PALLD: variants seen among roughly 807,000 people sequenced by gnomAD.
PALLD encodes palladin.
Under a neutral mutation model 123.5 loss-of-function variants are expected in PALLD, and 61 were observed. The observed-to-expected ratio is 0.49, with a 90% CI of 0.40 to 0.61. PALLD has a LOEUF of 0.61. Ranked by LOEUF, PALLD falls within the 20% of genes least tolerant of loss-of-function variation. PALLD has a pLI of 0.00. For missense variants in PALLD, 1,273 were observed against 1,377.0 expected, an observed-to-expected ratio of 0.92 and a Z score of 1.20; for synonymous variants, 465 against 496.4, an observed-to-expected ratio of 0.94 and a Z score of 0.84.
chr4:168,798,248 A>G (rs369685163), intron 10 of PALLD, among the ~76,000 whole-genome samples: 26 of 152,290 alleles, frequency 1.7e-4, no homozygotes, highest in African/African-American at 6.3e-4. Context: ...ATCAAAGGTA[A>G]GGATACTGTT....
chr4:168,790,469 T>G (rs1478214324), intron 10 of PALLD, among the ~76,000 whole-genome samples: 1 of 152,156 alleles, frequency 6.6e-6, no homozygotes, highest in Non-Finnish European at 1.5e-5. Context: ...ATCTTTTTTT[T>G]TTTAATGTTA....
intron 10 of PALLD, among the ~76,000 whole-genome samples, chr4:168,850,000 C>A (rs1387370862): frequency 6.6e-6 from 1 of 152,126 alleles, no homozygotes; most frequent in African/African-American, 2.4e-5. Flanking sequence ...AATGAATAAA[C>A]TCCTATCCAG....
chr4:168,708,211 G>A (rs1784399083), intron 8 of PALLD, among the ~76,000 whole-genome samples: 1 of 152,170 alleles, frequency 6.6e-6, no homozygotes, highest in African/African-American at 2.4e-5. Flanking sequence ...TCTATGTTAA[G>A]TGCTGGTAAC....
At chr4:168,763,471 T>C (rs1346813732) in intron 10 of PALLD, among the ~76,000 whole-genome samples, 1 of 152,076 alleles carries the variant, frequency 6.6e-6, no homozygotes, top group Admixed American at 6.5e-5. Context: ...GAGTAAGAGG[T>C]TGAGTAAGAT....
At chr4:168,500,295 C>A (rs1025290939) in intron 1 of PALLD, among the ~76,000 whole-genome samples, 10 of 152,184 alleles carry the variant, frequency 6.6e-5, no homozygotes. Flanking sequence ...TCAAAGAAAT[C>A]TGTTGTAATT....
chr4:168,901,307 T>TA (rs1176298593), intron 14 of PALLD, among the ~76,000 whole-genome samples: 2 of 152,240 alleles, frequency 1.3e-5, no homozygotes, highest in African/African-American at 2.4e-5. Context: ...ATGCTTGTTC[T>TA]AGTTGAGCCA....
chr4:168,583,853 A>G (rs1770538289), intron 2 of PALLD, among the ~76,000 whole-genome samples: 1 of 152,098 alleles, frequency 6.6e-6, no homozygotes, highest in African/African-American at 2.4e-5. Context: ...TTCCTTCGAT[A>G]TCTTTTCTTT....
chr4:168,756,967 G>A (rs576359860), intron 10 of PALLD, among the ~76,000 whole-genome samples: 3 of 152,310 alleles, frequency 2.0e-5, no homozygotes, highest in East Asian at 3.9e-4. Flanking sequence ...AGATGAGGAC[G>A]ATGTTTCAGG....
chr4:168,618,095 A>G (rs2723689), intron 2 of PALLD, among the ~76,000 whole-genome samples: 117,445 of 152,088 alleles, frequency 0.77, 45,474 homozygotes, highest in Admixed American at 0.86. Flanking sequence ...ATAAGAGGCC[A>G]CTACGAAGTG....
intron 10 of PALLD, among the ~76,000 whole-genome samples, chr4:168,884,949 A>G (rs1753131155): frequency 6.6e-6 from 1 of 152,234 alleles, no homozygotes; most frequent in Non-Finnish European, 1.5e-5. Flanking sequence ...CGAGCTGTTA[A>G]TACCCACATT....
chr4:168,572,584 T>C (rs1769109840), intron 2 of PALLD, among the ~76,000 whole-genome samples: 1 of 151,972 alleles, frequency 6.6e-6, no homozygotes, highest in South Asian at 2.1e-4. Flanking sequence ...GAACACTTGA[T>C]TTGATATCCC....
intron 2 of PALLD, among the ~76,000 whole-genome samples, chr4:168,569,250 G>A (rs1432820036): frequency 6.6e-6 from 1 of 152,098 alleles, no homozygotes; most frequent in East Asian, 1.9e-4. Flanking sequence ...CATAGCAACT[G>A]GAGCAAATAT....
At chr4:168,781,358 T>C (rs1274080884) in intron 10 of PALLD, among the ~76,000 whole-genome samples, 1 of 152,186 alleles carries the variant, frequency 6.6e-6, no homozygotes, top group African/African-American at 2.4e-5. Context: ...CAGAGCCTAG[T>C]TAATTGCAAT....
chr4:168,568,604 T>C (rs952994099), intron 2 of PALLD, among the ~76,000 whole-genome samples: 1 of 152,124 alleles, frequency 6.6e-6, no homozygotes, highest in African/African-American at 2.4e-5. Context: ...TTCATACTTA[T>C]GTGTGCATTA....
intron 2 of PALLD, among the ~76,000 whole-genome samples, chr4:168,572,924 A>G (rs1299874256): frequency 2.1e-5 from 3 of 140,948 alleles, no homozygotes; most frequent in Admixed American, 7.0e-5. Flanking sequence ...GGTGGTTGTC[A>G]GCAGGCTGAT....
chr4:168,889,740 C>T (rs1169461305), intron 10 of PALLD, among the ~76,000 whole-genome samples: 1 of 152,118 alleles, frequency 6.6e-6, no homozygotes, highest in East Asian at 1.9e-4. Flanking sequence ...TTGCATGTAA[C>T]ACCTAGAGAA....
chr4:168,505,760 T>C (rs1050232902), intron 1 of PALLD, among the ~76,000 whole-genome samples: 2 of 152,248 alleles, frequency 1.3e-5, no homozygotes, highest in Non-Finnish European at 2.9e-5. Context: ...GGGTAAGCAG[T>C]CCATTATTAG....
intron 10 of PALLD, among the ~76,000 whole-genome samples, chr4:168,729,161 G>T (rs1371451200): frequency 6.6e-6 from 1 of 152,116 alleles, no homozygotes; most frequent in Non-Finnish European, 1.5e-5. Context: ...CAGAACAAAG[G>T]AGGAAGACAC....
intron 10 of PALLD, among the ~76,000 whole-genome samples, chr4:168,723,481 G>A (rs904801794): frequency 4.6e-5 from 7 of 152,172 alleles, no homozygotes; most frequent in African/African-American, 1.7e-4. Flanking sequence ...AGCAGAGTTT[G>A]GTTAGAAACA....
Sources: allele counts gnomAD v4.1 joint callset (sites outside exome capture counted in the v4.1 genomes callset), GRCh38; gene constraint gnomAD v4.1.1; transcripts MANE v1.5; gene names NCBI Gene and HGNC (gene_info 2026-07-23, HGNC 2026-07-21).